Variants in DAZL observed in about 807,000 individuals in gnomAD.
The protein encoded by DAZL is deleted in azoospermia like.
DAZL carries 4 observed loss-of-function variants against 45.0 expected under a neutral mutation model. That is an observed-to-expected ratio of 0.09 (90% CI 0.04 to 0.20). DAZL has a LOEUF of 0.20. Among genes scored for constraint, DAZL ranks in the 10% least tolerant of loss-of-function variants. The pLI is 1.00. For missense variants in DAZL, 326 were observed against 351.3 expected (o/e 0.93, Z 0.58); for synonymous variants, 122 against 112.4 (o/e 1.09, Z -0.54).
intron 7 of DAZL, 65 bp from the exon 8 acceptor site, chr3:16,594,648 G>C (rs1003649268): frequency 6.2e-6 from 7 of 1,122,608 alleles, no homozygotes; most frequent in Non-Finnish European, 7.6e-6. Flanking sequence ...AAAAACACAC[G>C]AGATACACAA....
At chr3:16,592,572 GAAAA>G (rs71049170) in intron 9 of DAZL, among the ~76,000 whole-genome samples, 8 of 144,102 alleles carry the variant, frequency 5.6e-5, no homozygotes, top group South Asian at 4.5e-4. Context: ...CTGTCTTGGG[GAAAA>G]AAAAAAAAAA....
chr3:16,592,903 A>G (rs1694542399), intron 9 of DAZL, among the ~76,000 whole-genome samples: 1 of 152,192 alleles, frequency 6.6e-6, no homozygotes, highest in Non-Finnish European at 1.5e-5. Context: ...ATTTAAGAGA[A>G]CATATGTGAT....
At chr3:16,594,500 A>T (rs760639562) in intron 8 of DAZL, 33 bp downstream of exon 8, 4 of 1,512,742 alleles carry the variant, frequency 2.6e-6, no homozygotes, top group Middle Eastern at 1.7e-4. Context: ...CTTTAAAATA[A>T]CAGGAATTAT....
chr3:16,592,436 C>T (rs112051848), intron 9 of DAZL, among the ~76,000 whole-genome samples: 22,445 of 151,462 alleles, frequency 0.15, 2,079 homozygotes, highest in East Asian at 0.46. Context: ...GGCATAGTGG[C>T]GGGTGCCTGT....
intron 10 of DAZL, among the ~76,000 whole-genome samples, chr3:16,589,891 C>T (rs1402367910): frequency 2.8e-5 from 4 of 143,588 alleles, no homozygotes; most frequent in Non-Finnish European, 6.0e-5. Context: ...TAGTAAGATT[C>T]TGTCTCTTAA....
At chr3:16,597,391 G>C (rs1694616841) in intron 4 of DAZL, 99 bp downstream of exon 4, 2 of 889,690 alleles carry the variant, frequency 2.2e-6, no homozygotes, top group African/African-American at 1.7e-5. Flanking sequence ...TGACCAGAAA[G>C]TGTATCGTCT....
In DAZL at chr3:16,603,029, T is replaced by C. The variant is rs73142532; in HGVS notation, c.3+2174A>G. Among the ~76,000 whole-genome samples, 650 of 152,310 alleles carry C rather than the reference T, an allele frequency of 4.3e-3. 8 individuals are homozygous for C. Among genetic ancestry groups the C allele is most frequent in the African/African-American group, 0.015 (622 of 41,566 alleles). On this transcript the variant is annotated intron_variant, in intron 1 of 10. Transcript: ENST00000399444. ...TGATTTTTAAAAGTGCACATCAACA[T>C]AGTAAAATATTTTCCAGCTATTAGG...
chr3:16,595,352 C>A lies in DAZL; in HGVS notation c.532G>T (p.Val178Phe), dbSNP rs772572791. 21 of 1,584,106 alleles carry A rather than the reference C, an allele frequency of 1.3e-5. No homozygotes were observed. In the Admixed American group the frequency reaches 2.7e-4, roughly 21 times the overall value. ...ACAGGCAACTGATATCCAGTGATGA[C>A]CTGAACTGGTGAATTTGGGTAAGTA... ...YPTYPNSPVQ[V>F]ITGYQLPVYN... Residue 178 changes from valine (V) to phenylalanine (F), a missense_variant, in exon 7 of 11, where the codon GTC (valine) becomes TTC (phenylalanine). Transcript: ENST00000399444.
At chr3:16,594,678 C>G in intron 7 of DAZL, 95 bp from the exon 8 acceptor site, 1 of 744,306 alleles carries the variant, frequency 1.3e-6, no homozygotes, top group South Asian at 2.3e-5. Context: ...ACTTATCATG[C>G]TGGCTCCTTT....
intron 10 of DAZL, among the ~76,000 whole-genome samples, chr3:16,591,037 A>C (rs898623959): frequency 5.3e-5 from 8 of 152,182 alleles, no homozygotes; most frequent in African/African-American, 1.7e-4. Flanking sequence ...TATTTCAATA[A>C]ACCTATTATT....
At position 16,586,893 on chromosome 3, in the gene DAZL, A is replaced by G. The variant is rs1299750392; in HGVS notation, c.*1767T>C. On this transcript the variant is annotated 3_prime_UTR_variant, in exon 11 of 11. Coordinates refer to ENST00000399444, the MANE Select transcript of DAZL (RefSeq NM_001351.4). ...TTTAGAATTAATTTTCCATTTTGAAAGGTTCAGGACTTTATCTTTTTTACC... is the reference window on the plus strand; with the variant it reads ...TTTAGAATTAATTTTCCATTTTGAAGGGTTCAGGACTTTATCTTTTTTACC... The G allele has an allele frequency of 6.6e-6, 1 of 152,184 alleles. No individual in the cohort carries two copies. The highest frequency in any genetic ancestry group is 2.4e-5 in the African/African-American group (1 of 41,458). The allele number at this position is 152,184 out of a possible 1,614,324, so 9.4% of individuals were successfully genotyped here. A position where few individuals can be genotyped will look rare whatever the true frequency, so the allele number is the denominator to read the frequency against.
chr3:16,597,947 G>A, intron 3 of DAZL, 140 bp downstream of exon 3: 1 of 881,560 alleles, frequency 1.1e-6, no homozygotes, highest in Non-Finnish European at 1.7e-6. Flanking sequence ...TAAAAGAGCT[G>A]GCAATAAACT....
chr3:16,600,655 A>C (rs909159463), intron 1 of DAZL, among the ~76,000 whole-genome samples: 17 of 152,356 alleles, frequency 1.1e-4, no homozygotes, highest in African/African-American at 4.1e-4. Flanking sequence ...GAATAAAACA[A>C]AACAAAATAA....
chr3:16,595,089 A>T (rs1401044448), intron 7 of DAZL, among the ~76,000 whole-genome samples: 1 of 152,128 alleles, frequency 6.6e-6, no homozygotes, highest in African/African-American at 2.4e-5. Flanking sequence ...ACCGAATCTC[A>T]TAAAACTGTT....
At chr3:16,603,729 GAAAATT>G (rs1310325135) in intron 1 of DAZL, among the ~76,000 whole-genome samples, 1 of 152,114 alleles carries the variant, frequency 6.6e-6, no homozygotes, top group African/African-American at 2.4e-5. Context: ...AACATATACT[GAAAATT>G]AAAATTATCT....
chr3:16,596,955 T>A, intron 5 of DAZL, 33 bp downstream of exon 5: 1 of 1,612,762 alleles, frequency 6.2e-7, no homozygotes, highest in Non-Finnish European at 8.5e-7. Flanking sequence ...ATTTCTTTTA[T>A]GTTTAAAAAG....
intron 6 of DAZL, 96 bp downstream of exon 6, chr3:16,596,654 A>G: frequency 3.8e-6 from 5 of 1,318,002 alleles, no homozygotes; most frequent in Non-Finnish European, 5.5e-6. Flanking sequence ...TCAAACAGGG[A>G]TGCCATTACC....
chr3:16,599,904 G>A (rs1014190312), intron 1 of DAZL, among the ~76,000 whole-genome samples: 1 of 152,158 alleles, frequency 6.6e-6, no homozygotes, highest in Non-Finnish European at 1.5e-5. Context: ...ACTGCTTTGA[G>A]AAGGAAATGA....
intron 6 of DAZL, among the ~76,000 whole-genome samples, chr3:16,596,376 C>A (rs1391841163): frequency 6.6e-6 from 1 of 152,014 alleles, no homozygotes; most frequent in Non-Finnish European, 1.5e-5. Context: ...GAGGAGGCAT[C>A]TGGAAATCAT....
Sources: gnomAD v4.1 joint callset for allele counts (sites outside exome capture counted in the v4.1 genomes callset) on GRCh38, gnomAD v4.1.1 for gene constraint, MANE v1.5 for transcripts, NCBI Gene and HGNC (gene_info 2026-07-23, HGNC 2026-07-21) for gene names.